Variants in PIR observed in about 807,000 individuals in gnomAD.
PIR encodes the protein pirin (iron-binding nuclear protein).
Under a neutral mutation model 24.2 loss-of-function variants are expected in PIR, and 22 were observed. The ratio of observed to expected loss-of-function variants is 0.91; its 90% CI spans 0.65 to 1.30. PIR has a LOEUF of 1.30. PIR is among the 50% of genes most tolerant of loss of function. The pLI is 0.00. For missense variants in PIR, 220 were observed against 220.3 expected (o/e 1.00, Z 0.01); for synonymous variants, 80 against 79.6 (o/e 1.00, Z -0.03).
At position 15,397,494 on chromosome X, in the gene PIR, G is replaced by A; in HGVS notation, c.648C>T (p.His216=). 8.3e-7 allele frequency: 1 copy of A among 1,208,036 alleles called. No individual in the cohort carries two copies. Among genetic ancestry groups the A allele is most frequent in the South Asian group, 1.8e-5 (1 of 56,907 alleles). ...TGTCACCTTCTCCAAGCACTGCTGT[G>A]TGATGAGGTTCTATTTTTTGTTGTG... ...DDAQQKIEPH[H]TAVLGEGDSV... The change falls in exon 8 of 10, where the codon CAC becomes CAT. Residue 216 remains histidine (H), a synonymous_variant. Coordinates refer to ENST00000380420, the MANE Select transcript of PIR (RefSeq NM_001018109.3).
chrX:15,488,464 C>T (rs762983733), intron 2 of PIR, among the ~76,000 whole-genome samples: 131 of 109,912 alleles, frequency 1.2e-3, no homozygotes, highest in African/African-American at 4.0e-3. Context: ...CAAAAATTCA[C>T]GAGTAAGAGA....
intron 5 of PIR, among the ~76,000 whole-genome samples, chrX:15,435,189 T>C (rs1182537143): frequency 1.9e-5 from 2 of 106,147 alleles, no homozygotes; most frequent in Non-Finnish European, 3.9e-5. Flanking sequence ...CCAGTGAGAC[T>C]CTGTCAAAAA....
chrX:15,474,804 T>C (rs1922109132), intron 3 of PIR, among the ~76,000 whole-genome samples: 2 of 111,774 alleles, frequency 1.8e-5, no homozygotes, highest in Non-Finnish European at 3.8e-5. Context: ...TACAAATAAT[T>C]TTTCTCCTCC....
chrX:15,392,709 T>C (rs1434344527), intron 8 of PIR, among the ~76,000 whole-genome samples: 1 of 112,079 alleles, frequency 8.9e-6, no homozygotes, highest in African/African-American at 3.2e-5. Flanking sequence ...AAATCAAAGC[T>C]GATGTTTTGA....
At chrX:15,458,368 C>G (rs1370249694) in intron 4 of PIR, among the ~76,000 whole-genome samples, 1 of 111,591 alleles carries the variant, frequency 9.0e-6, no homozygotes, top group Admixed American at 9.5e-5. Context: ...TTGCTGGGCA[C>G]AGTGGCTCAT....
chrX:15,487,397 T>C lies in PIR; in HGVS notation c.96+3765A>G, dbSNP rs993340008. On this transcript the variant is annotated intron_variant, in intron 2 of 9. Coordinates refer to ENST00000380420, the MANE Select transcript of PIR (RefSeq NM_001018109.3). ...TGAAATATTTATAAGTGAAATAAAA[T>C]AATGGCTGGAATTCTCTTCAAAATA... is the stretch of plus-strand genomic sequence containing the variant. 2.7e-5 allele frequency among the ~76,000 whole-genome samples: 3 copies of C among 111,427 alleles called. No homozygotes were observed. In the East Asian group the frequency reaches 8.4e-4, roughly 31 times the overall value.
intron 6 of PIR, among the ~76,000 whole-genome samples, chrX:15,411,876 T>C: frequency 8.9e-6 from 1 of 112,304 alleles, no homozygotes; most frequent in Non-Finnish European, 1.9e-5. Flanking sequence ...CAGAGAATTA[T>C]TGTACACCAT....
intron 5 of PIR, among the ~76,000 whole-genome samples, chrX:15,455,307 A>G (rs1420271546): frequency 8.9e-6 from 1 of 112,892 alleles, no homozygotes; most frequent in Non-Finnish European, 1.9e-5. Flanking sequence ...CAAATAATAT[A>G]AAGTCCCAGT....
rs200936033 is a variant in PIR at position 15,447,699 on chromosome X, C to T, written c.480+8149G>A. 4.5e-5 allele frequency among the ~76,000 whole-genome samples: 5 copies of T among 112,013 alleles called. No individual in the cohort carries two copies. In the East Asian group the frequency reaches 8.4e-4, roughly 19 times the overall value. Reference sequence around the variant, plus strand: ...AGCTTTTAATGCAACATGCAAGAGTCTCAAGACAGCTCTCTGAAGCTGTCC... The same window carrying T: ...AGCTTTTAATGCAACATGCAAGAGTTTCAAGACAGCTCTCTGAAGCTGTCC... On this transcript the variant is annotated intron_variant, in intron 5 of 9. Coordinates refer to ENST00000380420, the MANE Select transcript of PIR (RefSeq NM_001018109.3).
intron 4 of PIR, among the ~76,000 whole-genome samples, chrX:15,457,334 C>T (rs1921123382): frequency 1.8e-5 from 2 of 111,654 alleles, no homozygotes; most frequent in Admixed American, 1.9e-4. Context: ...TGGTACTGTA[C>T]ACATACGGGG....
intron 3 of PIR, 95 bp downstream of exon 3, chrX:15,479,634 G>A (rs1453548864): frequency 2.6e-6 from 1 of 384,290 alleles, no homozygotes; most frequent in Non-Finnish European, 4.5e-6. Flanking sequence ...TGAATTTTTA[G>A]CCTATTATTT....
intron 5 of PIR, among the ~76,000 whole-genome samples, chrX:15,446,271 G>A (rs749480039): frequency 8.9e-6 from 1 of 111,804 alleles, no homozygotes; most frequent in South Asian, 3.7e-4. Context: ...ATGAACGTGT[G>A]TTTTGAAGGC....
chrX:15,455,145 A>G lies in PIR; in HGVS notation c.480+703T>C, dbSNP rs1450854157. On this transcript the variant is annotated intron_variant, in intron 5 of 9. Transcript: ENST00000380420. ...CCCACCTAAGAAAACACACTACCTC[A>G]GATTGGTTGGTGTGAGGAATCTTAT... Among the ~76,000 whole-genome samples, 34 of 112,166 alleles carry G rather than the reference A, an allele frequency of 3.0e-4. 1 individual carries two copies. In the Admixed American group the frequency reaches 3.2e-3, roughly 11 times the overall value.
Position 15,433,560 on chromosome X carries a change from AAGAG to A in PIR, c.481-7574_481-7571del, listed in dbSNP as rs1165457148. Among the ~76,000 whole-genome samples the A allele has an allele frequency of 1.1e-3, 107 of 100,810 alleles. 3 individuals are homozygous for A. The highest frequency in any genetic ancestry group is 3.8e-3 in the African/African-American group (103 of 27,041). The allele number at this position is 100,810 out of a possible 115,157, so 87.5% of individuals were successfully genotyped here. ...AGAAAGAAAGAGAGAGAAAGAAAGA[AAGAG>A]AGAGAAAGAAAGAAATGAGGAGGAG... On this transcript the variant is annotated intron_variant, in intron 5 of 9. Transcript: ENST00000380420.
chrX:15,392,672 C>T (rs1017907047), intron 8 of PIR, among the ~76,000 whole-genome samples: 1 of 111,874 alleles, frequency 8.9e-6, no homozygotes, highest in Non-Finnish European at 1.9e-5. Flanking sequence ...CCTACAATCT[C>T]AGGGCTGGGG....
chrX:15,445,786 C>A (rs1270818050), intron 5 of PIR, among the ~76,000 whole-genome samples: 1 of 107,113 alleles, frequency 9.3e-6, no homozygotes, highest in African/African-American at 3.4e-5. Context: ...GAAACTAGCC[C>A]AGGTGAAACG....
intron 3 of PIR, among the ~76,000 whole-genome samples, chrX:15,468,904 A>G (rs1050949569): frequency 8.0e-5 from 9 of 112,538 alleles, no homozygotes; most frequent in African/African-American, 2.9e-4. Flanking sequence ...AACATTTGCC[A>G]AGACTAAGAA....
chrX:15,396,743 CTTTTTTT>C, intron 8 of PIR, among the ~76,000 whole-genome samples: 1 of 103,150 alleles, frequency 9.7e-6, no homozygotes, highest in East Asian at 3.0e-4. Flanking sequence ...AGTGGGGATT[CTTTTTTT>C]TTTTTTTTTG....
intron 2 of PIR, among the ~76,000 whole-genome samples, chrX:15,480,657 A>G (rs748064235): frequency 6.2e-5 from 7 of 112,035 alleles, no homozygotes; most frequent in Non-Finnish European, 1.3e-4. Context: ...TACATGGTTG[A>G]GTTAATCAAG....
Sources: gnomAD v4.1 joint callset for allele counts (sites outside exome capture counted in the v4.1 genomes callset) on GRCh38, gnomAD v4.1.1 for gene constraint, MANE v1.5 for transcripts, NCBI Gene and HGNC (gene_info 2026-07-23, HGNC 2026-07-21) for gene names.